Variants in SRL observed in about 807,000 individuals in gnomAD.
SRL encodes the protein sarcalumenin.
A neutral mutation model predicts 39.5 loss-of-function variants in SRL; 23 were observed. The observed-to-expected ratio is 0.58, with a 90% CI of 0.42 to 0.82. The LOEUF (loss-of-function observed/expected upper bound fraction) is 0.82. Among genes scored for constraint, SRL ranks in the 40% least tolerant of loss-of-function variants. SRL has a pLI of 0.00. For synonymous variants in SRL, 272 were observed against 237.4 expected (o/e 1.15, Z -1.34); for missense variants, 592 against 607.8 (o/e 0.97, Z 0.27).
intron 3 of SRL, among the ~76,000 whole-genome samples, chr16:4,202,426 T>C (rs1354564085): frequency 1.3e-5 from 2 of 152,090 alleles, no homozygotes; most frequent in African/African-American, 4.8e-5. Flanking sequence ...ACCCCATCTC[T>C]ACTAAAAATA....
chr16:4,232,398 C>T (rs1030102744), intron 1 of SRL, among the ~76,000 whole-genome samples: 1 of 152,176 alleles, frequency 6.6e-6, no homozygotes, highest in African/African-American at 2.4e-5. Flanking sequence ...CTCTGGTGGA[C>T]ACAGGGACAC....
chr16:4,231,998 G>A (rs950665863), intron 1 of SRL, among the ~76,000 whole-genome samples: 33 of 152,188 alleles, frequency 2.2e-4, no homozygotes, highest in Non-Finnish European at 4.4e-4. Context: ...AGATAGTCAG[G>A]GACTTGGCGG....
intron 1 of SRL, among the ~76,000 whole-genome samples, chr16:4,225,412 A>C (rs926459618): frequency 2.6e-5 from 4 of 152,012 alleles, no homozygotes; most frequent in African/African-American, 9.7e-5. Context: ...GGGAGACCTC[A>C]TCTCTACCAA....
chr16:4,213,080 C>A lies in SRL; in HGVS notation c.62-8446G>T, dbSNP rs190775088. 2.2e-3 allele frequency among the ~76,000 whole-genome samples: 330 copies of A among 152,204 alleles called. 2 individuals are homozygous for A. Among genetic ancestry groups the A allele is most frequent in the African/African-American group, 7.4e-3 (309 of 41,486 alleles). On this transcript the variant is annotated intron_variant, in intron 1 of 5. Transcript: ENST00000399609. ...GTGGGACAGAGTCCAAATATATGAA[C>A]CTTAGTCTGGAGTTCTTTTTGCCCC... is the stretch of plus-strand genomic sequence containing the variant.
intron 4 of SRL, among the ~76,000 whole-genome samples, chr16:4,196,534 T>C (rs2052147026): frequency 6.8e-6 from 1 of 146,394 alleles, no homozygotes; most frequent in Admixed American, 7.2e-5. Flanking sequence ...CAGGCTGGAG[T>C]GCAGTGGCAT....
intron 1 of SRL, among the ~76,000 whole-genome samples, chr16:4,237,972 G>C (rs538243967): frequency 6.6e-6 from 1 of 152,082 alleles, no homozygotes; most frequent in Non-Finnish European, 1.5e-5. Flanking sequence ...GGGAGAAGAC[G>C]CCTCCTCTCC....
rs1339234794 is a variant in SRL, at chr16:4,197,806, G to A, written c.369C>T (p.Leu123=). The change falls in exon 4 of 6, where the codon CTC becomes CTT. Residue 123 remains leucine (L), a synonymous_variant. Transcript: ENST00000399609. ...LLGLENTRYQ[L]YTGAEPTTSE... Reference sequence around the variant, plus strand: ...CACAAGAATATTGATTACCTGTATAGAGCTGATAGCGAGTATTTTCCAGCC... The same window carrying A: ...CACAAGAATATTGATTACCTGTATAAAGCTGATAGCGAGTATTTTCCAGCC... 6.3e-7 allele frequency: 1 copy of A among 1,595,382 alleles called. No individual in the cohort carries two copies. Among genetic ancestry groups the A allele is most frequent in the Admixed American group, 1.7e-5 (1 of 59,988 alleles).
At chr16:4,195,506 T>G in intron 5 of SRL, 47 bp downstream of exon 5, 2 of 1,580,874 alleles carry the variant, frequency 1.3e-6, no homozygotes, top group Non-Finnish European at 1.7e-6. Context: ...CCAAAAATAA[T>G]TTTTTGAAAC....
intron 1 of SRL, among the ~76,000 whole-genome samples, chr16:4,216,004 C>A (rs765678829): frequency 2.6e-5 from 4 of 151,956 alleles, no homozygotes; most frequent in Non-Finnish European, 5.9e-5. Context: ...CCACTATACT[C>A]CAGCCTAGGC....
chr16:4,240,412 C>T (rs570571212), intron 1 of SRL, among the ~76,000 whole-genome samples: 3 of 152,206 alleles, frequency 2.0e-5, no homozygotes, highest in Admixed American at 2.0e-4. Flanking sequence ...GGTATACAGT[C>T]CACAGTGGGG....
chr16:4,218,587 A>G (rs917456818), intron 1 of SRL, among the ~76,000 whole-genome samples: 3 of 152,176 alleles, frequency 2.0e-5, no homozygotes, highest in Non-Finnish European at 4.4e-5. Flanking sequence ...TGATGTCTCC[A>G]TGGCTTTGAA....
At chr16:4,221,269 G>T (rs1036799439) in intron 1 of SRL, among the ~76,000 whole-genome samples, 3 of 152,038 alleles carry the variant, frequency 2.0e-5, no homozygotes, top group African/African-American at 7.2e-5. Flanking sequence ...GGATGGTCTC[G>T]ATCTCCTGAC....
intron 1 of SRL, among the ~76,000 whole-genome samples, chr16:4,231,600 G>A (rs560159505): frequency 5.3e-5 from 8 of 152,218 alleles, no homozygotes; most frequent in African/African-American, 1.9e-4. Context: ...CTTATTTTTA[G>A]CTGCTGATTA....
Position 4,225,113 on chromosome 16 carries a change from T to A in SRL, c.61+16894A>T, listed in dbSNP as rs550546065. Among the ~76,000 whole-genome samples, 12 of 152,062 alleles carry A rather than the reference T, an allele frequency of 7.9e-5. No individual in the cohort carries two copies. The South Asian group carries it at 1.9e-3, about 24-fold the overall frequency. ...GGAGGAATGGATGGTGGAGGAGAAC[T>A]GGGGAGTGTGTGCTAAAGGGCCCAG... On this transcript the variant is annotated intron_variant, in intron 1 of 5. Coordinates refer to ENST00000399609, the MANE Select transcript of SRL (RefSeq NM_001098814.2).
intron 1 of SRL, among the ~76,000 whole-genome samples, chr16:4,217,462 G>T (rs1247552073): frequency 6.6e-6 from 1 of 152,152 alleles, no homozygotes; most frequent in African/African-American, 2.4e-5. Flanking sequence ...ATGTTGCCCA[G>T]GCTGGTCTCA....
intron 1 of SRL, among the ~76,000 whole-genome samples, chr16:4,216,588 A>T (rs1237053984): frequency 6.6e-6 from 1 of 152,244 alleles, no homozygotes; most frequent in East Asian, 1.9e-4. Flanking sequence ...CACTTTAAAA[A>T]GACAAATACC....
intron 1 of SRL, among the ~76,000 whole-genome samples, chr16:4,241,119 G>A (rs982703358): frequency 1.3e-5 from 2 of 152,170 alleles, no homozygotes; most frequent in Non-Finnish European, 2.9e-5. Context: ...GCCCAGCTTG[G>A]GGGAAGACTG....
At chr16:4,209,616 C>T (rs1049315325) in intron 1 of SRL, among the ~76,000 whole-genome samples, 5 of 152,338 alleles carry the variant, frequency 3.3e-5, no homozygotes, top group African/African-American at 4.8e-5. Flanking sequence ...GGGTGGCCTC[C>T]AGGGATCAGG....
At chr16:4,226,827 G>A (rs929636026) in intron 1 of SRL, among the ~76,000 whole-genome samples, 16 of 150,208 alleles carry the variant, frequency 1.1e-4, no homozygotes, top group Admixed American at 4.6e-4. Context: ...AAGAATGGAC[G>A]GATGGATGGA....
Sources: gnomAD v4.1 joint callset for allele counts (sites outside exome capture counted in the v4.1 genomes callset) on GRCh38, gnomAD v4.1.1 for gene constraint, MANE v1.5 for transcripts, NCBI Gene and HGNC (gene_info 2026-07-23, HGNC 2026-07-21) for gene names.